Variants in RARB observed in about 807,000 individuals in gnomAD.
RARB encodes retinoic acid receptor beta, also known as HBV-activated protein.
RARB carries 17 observed loss-of-function variants against 51.9 expected under a neutral mutation model. The ratio of observed to expected loss-of-function variants is 0.33; its 90% confidence interval spans 0.22 to 0.49. RARB has a LOEUF of 0.49. Ranked by LOEUF, RARB falls within the 20% of genes least tolerant of loss-of-function variation. RARB has a pLI of 0.99. For missense variants in RARB, 369 were observed against 550.8 expected, an observed-to-expected ratio of 0.67 and a Z score of 3.30; for synonymous variants, 215 against 195.4, an observed-to-expected ratio of 1.10 and a Z score of -0.84.
intron 2 of RARB, among the ~76,000 whole-genome samples, chr3:25,057,684 G>A (rs943403277): frequency 2.6e-5 from 4 of 152,072 alleles, no homozygotes; most frequent in Middle Eastern, 3.4e-3. Flanking sequence ...CTTGGCTTTT[G>A]ATTTATACTC....
At chr3:24,874,207 T>C (rs1226320068) in intron 2 of RARB, among the ~76,000 whole-genome samples, 1 of 152,006 alleles carries the variant, frequency 6.6e-6, no homozygotes, top group Non-Finnish European at 1.5e-5. Context: ...AATAGAACAA[T>C]ATGGTACTAC....
chr3:25,591,974 G>A (rs1312542031), intron 5 of RARB, among the ~76,000 whole-genome samples: 1 of 152,200 alleles, frequency 6.6e-6, no homozygotes, highest in Non-Finnish European at 1.5e-5. Context: ...CAGTGGGTTT[G>A]AGGCTCTTGT....
chr3:25,083,141 T>TC (rs1699041529), intron 3 of RARB, among the ~76,000 whole-genome samples: 2 of 151,754 alleles, frequency 1.3e-5, no homozygotes, highest in Non-Finnish European at 2.9e-5. Flanking sequence ...TGATTTTTCT[T>TC]TTTTTCTGAT....
chr3:24,874,779 C>A (rs913327962), intron 2 of RARB, among the ~76,000 whole-genome samples: 1 of 151,780 alleles, frequency 6.6e-6, no homozygotes, highest in African/African-American at 2.4e-5. Context: ...ATGGCAGTTA[C>A]CACAATTTTA....
At chr3:25,281,753 C>G (rs763729405) in intron 5 of RARB, among the ~76,000 whole-genome samples, 100 of 152,294 alleles carry the variant, frequency 6.6e-4, no homozygotes, top group Non-Finnish European at 1.1e-3. Context: ...TCAATAATTA[C>G]TTACTTTTAT....
chr3:25,012,022 A>G (rs1156264298), intron 2 of RARB, among the ~76,000 whole-genome samples: 1 of 152,114 alleles, frequency 6.6e-6, no homozygotes, highest in African/African-American at 2.4e-5. Context: ...GAAATCCCAC[A>G]ATGAGGAATA....
chr3:25,322,787 A>G (rs1704609527), intron 5 of RARB, among the ~76,000 whole-genome samples: 1 of 152,212 alleles, frequency 6.6e-6, no homozygotes, highest in Non-Finnish European at 1.5e-5. Context: ...CTCTGACAAG[A>G]GCACATAAGC....
intron 5 of RARB, among the ~76,000 whole-genome samples, chr3:25,246,532 G>T (rs780267895): frequency 6.6e-6 from 1 of 152,016 alleles, no homozygotes; most frequent in African/African-American, 2.4e-5. Context: ...TGATATTGTT[G>T]CTATTCCTTT....
intron 3 of RARB, among the ~76,000 whole-genome samples, chr3:25,103,977 C>T (rs937978752): frequency 8.5e-5 from 13 of 152,100 alleles, no homozygotes; most frequent in African/African-American, 2.7e-4. Context: ...CCCAATTAGC[C>T]GCATATTGTG....
At chr3:24,959,060 C>T (rs1447831353) in intron 2 of RARB, among the ~76,000 whole-genome samples, 1 of 152,194 alleles carries the variant, frequency 6.6e-6, no homozygotes, top group Admixed American at 6.5e-5. Flanking sequence ...TACCAGCAAT[C>T]CCTGAAGCCC....
At chr3:24,918,089 C>A (rs754233533) in intron 2 of RARB, among the ~76,000 whole-genome samples, 1 of 152,274 alleles carries the variant, frequency 6.6e-6, no homozygotes, top group African/African-American at 2.4e-5. Context: ...CACACAAAGG[C>A]CTCAATGTGA....
Position 24,969,180 on chromosome 3 carries a change from G to T in RARB, c.-379-90945G>T, listed in dbSNP as rs143534872. Among the ~76,000 whole-genome samples, 185 of 152,092 alleles carry T rather than the reference G, an allele frequency of 1.2e-3. 1 individual carries two copies. The highest frequency in any genetic ancestry group is 4.1e-3 in the African/African-American group (172 of 41,530). ...CATAAATGTAGAAGTGTTTGTATTTGCCAGAAGTTTATGCATGTTTATTTC... is the reference window on the plus strand; with the variant it reads ...CATAAATGTAGAAGTGTTTGTATTTTCCAGAAGTTTATGCATGTTTATTTC... On this transcript the variant is annotated intron_variant, in intron 2 of 11. Coordinates refer to the RARB transcript ENST00000383772.
In RARB at chr3:25,593,177, T is replaced by A. The variant is rs114174532; in HGVS notation, c.787-326T>A. 7.5e-3 allele frequency among the ~76,000 whole-genome samples: 1,138 copies of A among 151,972 alleles called. 13 individuals are homozygous for A. The highest frequency in any genetic ancestry group is 0.026 in the African/African-American group (1,067 of 41,320). On this transcript the variant is annotated intron_variant, in intron 5 of 7. Coordinates refer to ENST00000330688, the MANE Select transcript of RARB (RefSeq NM_000965.5). ...GAATCTTATTCATCTTTTTTTTTTT[T>A]TATCTCCAGCACCTGGCACAGTGCC...
At chr3:25,099,039 C>A (rs1218289488) in intron 3 of RARB, among the ~76,000 whole-genome samples, 1 of 152,144 alleles carries the variant, frequency 6.6e-6, no homozygotes, top group African/African-American at 2.4e-5. Flanking sequence ...CCTGCTGCAA[C>A]CTCAGTGCTT....
At chr3:25,567,074 C>G (rs1379266969) in intron 3 of RARB, among the ~76,000 whole-genome samples, 6 of 152,190 alleles carry the variant, frequency 3.9e-5, no homozygotes, top group Admixed American at 3.9e-4. Flanking sequence ...TCAGAATCGA[C>G]TCAAACAGTT....
chr3:25,204,065 C>T lies in RARB; in HGVS notation c.178+29490C>T, dbSNP rs1331236598. ...ATTCTCCCCATCACTTTCGGGTACA[C>T]CAATCAGATGTAGATTTGGTCTTTT... On this transcript the variant is annotated intron_variant, in intron 5 of 11. Transcript: ENST00000383772. 2.0e-5 allele frequency among the ~76,000 whole-genome samples: 3 copies of T among 152,200 alleles called. No individual in the cohort carries two copies. The East Asian group carries it at 5.8e-4, about 29-fold the overall frequency.
intron 3 of RARB, among the ~76,000 whole-genome samples, chr3:25,063,372 C>T (rs778435374): frequency 2.6e-5 from 4 of 152,016 alleles, no homozygotes; most frequent in South Asian, 2.1e-4. Context: ...AGACTCAGAG[C>T]TTTCCTTAAG....
chr3:25,272,323 T>C (rs1406582713), intron 5 of RARB, among the ~76,000 whole-genome samples: 9 of 152,198 alleles, frequency 5.9e-5, no homozygotes, highest in Admixed American at 5.2e-4. Flanking sequence ...ATGATCTCCT[T>C]TGGACAACAT....
chr3:25,252,062 C>T (rs1047930809), intron 5 of RARB, among the ~76,000 whole-genome samples: 1 of 152,066 alleles, frequency 6.6e-6, no homozygotes, highest in East Asian at 1.9e-4. Flanking sequence ...TCTAATCTTA[C>T]TCTTTTACAT....
Sources: gnomAD v4.1 joint callset for allele counts (sites outside exome capture counted in the v4.1 genomes callset) on GRCh38, gnomAD v4.1.1 for gene constraint, MANE v1.5 for transcripts, NCBI Gene and HGNC (gene_info 2026-07-23, HGNC 2026-07-21) for gene names.